Variants in B3GALT1 observed in about 807,000 individuals in gnomAD.
B3GALT1 encodes the protein UDP-Gal:betaGlcNAc beta 1,3-galactosyltransferase, polypeptide 1.
Under a neutral mutation model 23.2 loss-of-function variants are expected in B3GALT1, and 10 were observed. The observed-to-expected ratio is 0.43, with a 90% CI of 0.27 to 0.73. The LOEUF is 0.73. Among genes scored for constraint, B3GALT1 ranks in the 30% least tolerant of loss-of-function variants. The pLI is 0.21. For synonymous variants in B3GALT1, 156 were observed against 141.5 expected (o/e 1.10, Z -0.73); for missense variants, 299 against 405.4 (o/e 0.74, Z 2.25).
chr2:167,303,533 C>T (rs968483722), intron 1 of B3GALT1, among the ~76,000 whole-genome samples: 2 of 151,976 alleles, frequency 1.3e-5, no homozygotes, highest in Non-Finnish European at 2.9e-5. Context: ...CTGTCCTCAT[C>T]AGTATGAATG....
At chr2:167,761,929 A>G (rs1038197560) in intron 3 of B3GALT1, among the ~76,000 whole-genome samples, 3 of 152,168 alleles carry the variant, frequency 2.0e-5, no homozygotes, top group Non-Finnish European at 4.4e-5. Flanking sequence ...TTCGTTGTTG[A>G]CTTCCCACCA....
chr2:167,562,196 A>T (rs564349224), intron 2 of B3GALT1, among the ~76,000 whole-genome samples: 1 of 152,354 alleles, frequency 6.6e-6, no homozygotes, highest in Admixed American at 6.5e-5. Context: ...ACAGAACCAA[A>T]GGCAAAAACC....
chr2:167,450,857 A>G (rs1202850210), intron 1 of B3GALT1, among the ~76,000 whole-genome samples: 1 of 152,162 alleles, frequency 6.6e-6, no homozygotes, highest in Non-Finnish European at 1.5e-5. Context: ...TGCTTAACAT[A>G]ATCCCAAGCT....
chr2:167,349,794 A>G (rs1160912950), intron 1 of B3GALT1, among the ~76,000 whole-genome samples: 1 of 152,194 alleles, frequency 6.6e-6, no homozygotes, highest in Non-Finnish European at 1.5e-5. Context: ...CCCCACAAAT[A>G]ACGGGGGGAT....
intron 4 of B3GALT1, among the ~76,000 whole-genome samples, chr2:167,859,888 G>C (rs1690065816): frequency 6.6e-6 from 1 of 152,154 alleles, no homozygotes; most frequent in Admixed American, 6.6e-5. Flanking sequence ...AATAGCCAAG[G>C]AGGCTGACTT....
At chr2:167,368,841 C>T (rs1484089210) in intron 1 of B3GALT1, among the ~76,000 whole-genome samples, 2 of 152,094 alleles carry the variant, frequency 1.3e-5, no homozygotes. Context: ...AACTCAGTCC[C>T]AGTGCAAAAT....
intron 3 of B3GALT1, among the ~76,000 whole-genome samples, chr2:167,666,272 C>A (rs1686186000): frequency 6.6e-6 from 1 of 152,192 alleles, no homozygotes; most frequent in Non-Finnish European, 1.5e-5. Flanking sequence ...GAGTGAGATT[C>A]TTAATCCTGA....
chr2:167,476,268 A>C (rs1433432571), intron 1 of B3GALT1, among the ~76,000 whole-genome samples: 1 of 152,252 alleles, frequency 6.6e-6, no homozygotes, highest in Non-Finnish European at 1.5e-5. Flanking sequence ...CATTCAAAAA[A>C]GCAGCTCTAG....
chr2:167,734,897 CA>C (rs1687467928), intron 3 of B3GALT1, among the ~76,000 whole-genome samples: 1 of 152,134 alleles, frequency 6.6e-6, no homozygotes, highest in Non-Finnish European at 1.5e-5. Flanking sequence ...CAACTATTTT[CA>C]AATACCTTAT....
chr2:167,869,043 G>C lies in B3GALT1; in HGVS notation c.4G>C (p.Ala2Pro), dbSNP rs752421603. 19 of 1,598,602 alleles carry C rather than the reference G, an allele frequency of 1.2e-5. No individual in the cohort carries two copies. The highest frequency in any genetic ancestry group is 5.2e-5 in the Admixed American group (3 of 57,260). M[A>P]SKVSCLYVLT... ...GAATAGACGTGTTCTCAAGACAATG[G>C]CTTCAAAGGTCTCCTGTTTGTATGT... The change falls in exon 5 of 5, where the codon GCT (alanine) becomes CCT (proline). Residue 2 changes from alanine (A) to proline (P), a missense_variant. Around this residue, in one of 3 missense-constraint regions of B3GALT1, gnomAD observed 162 missense variants for 184.1 expected, o/e 0.88. Transcript: ENST00000392690. This position sits in a 1 kb window ranked among gnomAD's most constrained non-coding sequence, Gnocchi z 6.4.
intron 1 of B3GALT1, among the ~76,000 whole-genome samples, chr2:167,370,476 G>T (rs1697664416): frequency 6.6e-6 from 1 of 152,134 alleles, no homozygotes; most frequent in African/African-American, 2.4e-5. Flanking sequence ...ATACAGCCTT[G>T]CCCTCCAATC....
intron 4 of B3GALT1, among the ~76,000 whole-genome samples, chr2:167,854,197 T>C (rs1166625320): frequency 6.6e-6 from 1 of 152,180 alleles, no homozygotes; most frequent in Non-Finnish European, 1.5e-5. Flanking sequence ...AGCCTGTAAA[T>C]TAGATTATCT....
intron 1 of B3GALT1, among the ~76,000 whole-genome samples, chr2:167,423,908 A>G (rs564844332): frequency 6.6e-6 from 1 of 152,260 alleles, no homozygotes; most frequent in South Asian, 2.1e-4. Flanking sequence ...GATACTCAAT[A>G]AATATTGAAT....
At chr2:167,533,421 A>C (rs1382933758) in intron 2 of B3GALT1, among the ~76,000 whole-genome samples, 1 of 152,034 alleles carries the variant, frequency 6.6e-6, no homozygotes, top group Non-Finnish European at 1.5e-5. Context: ...CTTTCTACTA[A>C]TGTGGCATAT....
At chr2:167,866,399 G>T (rs1690218330) in intron 4 of B3GALT1, among the ~76,000 whole-genome samples, 1 of 152,124 alleles carries the variant, frequency 6.6e-6, no homozygotes, top group African/African-American at 2.4e-5. Context: ...TCCTAGTCTA[G>T]CAGTTTCTTA....
chr2:167,770,729 T>G (rs1688058787), intron 3 of B3GALT1, among the ~76,000 whole-genome samples: 1 of 152,218 alleles, frequency 6.6e-6, no homozygotes, highest in Non-Finnish European at 1.5e-5. Flanking sequence ...TATATTTTCC[T>G]CTAAAAGGTT....
chr2:167,656,965 G>A (rs1685965774), intron 3 of B3GALT1, among the ~76,000 whole-genome samples: 1 of 152,048 alleles, frequency 6.6e-6, no homozygotes, highest in Non-Finnish European at 1.5e-5. Context: ...AGAAGCCAGA[G>A]CTCACCCTCT....
intron 3 of B3GALT1, among the ~76,000 whole-genome samples, chr2:167,677,033 C>G (rs1686440543): frequency 6.6e-6 from 1 of 151,900 alleles, no homozygotes; most frequent in African/African-American, 2.4e-5. Flanking sequence ...AATATGTATA[C>G]ATAGATAGAG....
At chr2:167,606,299 T>G (rs969640073) in intron 2 of B3GALT1, among the ~76,000 whole-genome samples, 1 of 152,204 alleles carries the variant, frequency 6.6e-6, no homozygotes, top group South Asian at 2.1e-4. Context: ...GGGAATGTGC[T>G]TAGCTGAATT....
Sources: allele counts gnomAD v4.1 joint callset (sites outside exome capture counted in the v4.1 genomes callset), GRCh38; gene constraint gnomAD v4.1.1; regional missense constraint gnomAD v4.1.1; non-coding constraint Gnocchi (gnomAD v3.1); transcripts MANE v1.5; gene names NCBI Gene and HGNC (gene_info 2026-07-23, HGNC 2026-07-21).